Variants in SLC39A10 observed in about 807,000 individuals in gnomAD.
SLC39A10 encodes solute carrier family 39 member 10.
In SLC39A10, 13 loss-of-function variants were observed where a neutral mutation model predicts 65.1. That is an observed-to-expected ratio of 0.20 (90% CI 0.13 to 0.32). SLC39A10 has a LOEUF of 0.32. SLC39A10 is among the 10% of genes least tolerant of loss of function. SLC39A10 has a pLI of 1.00. For missense variants in SLC39A10, 831 were observed against 1,018.4 expected, an observed-to-expected ratio of 0.82 and a Z score of 2.50; for synonymous variants, 321 against 342.2, an observed-to-expected ratio of 0.94 and a Z score of 0.68.
chr2:195,622,591 G>C (rs1046623495), intron 2 of SLC39A10, among the ~76,000 whole-genome samples: 2 of 152,206 alleles, frequency 1.3e-5, no homozygotes, highest in African/African-American at 4.8e-5. Context: ...ATAAGTAAAG[G>C]TAATTTTTTA....
chr2:195,632,719 C>T (rs1688614366), intron 2 of SLC39A10, among the ~76,000 whole-genome samples: 2 of 152,142 alleles, frequency 1.3e-5, no homozygotes, highest in Non-Finnish European at 1.5e-5. Flanking sequence ...AAGTTGGTCT[C>T]TTCATCTGGT....
In SLC39A10 at chr2:195,735,149, C is replaced by A; in HGVS notation, c.*108C>A. The A allele has an allele frequency of 8.4e-7, 1 of 1,188,474 alleles. No homozygotes were observed. The highest frequency in any genetic ancestry group is 1.2e-6 in the Non-Finnish European group (1 of 865,692). The allele number at this position is 1,188,474 out of a possible 1,614,324, so 73.6% of individuals were successfully genotyped here. A position where few individuals can be genotyped will look rare whatever the true frequency, so the allele number is the denominator to read the frequency against. On this transcript the variant is annotated 3_prime_UTR_variant, in exon 10 of 10. Transcript: ENST00000359634. ...AAAGGAAAGTCAGTGGCTTGCACTA[C>A]TTACAAGTTTCATAGATTTGAGCCT...
At chr2:195,672,538 TACCTC>T (rs1270467972) in intron 1 of SLC39A10, among the ~76,000 whole-genome samples, 1 of 152,250 alleles carries the variant, frequency 6.6e-6, no homozygotes, top group Non-Finnish European at 1.5e-5. Flanking sequence ...GGTTTAGTAT[TACCTC>T]ATAACGTTGC....
chr2:195,646,810 G>A (rs74988105), intron 2 of SLC39A10, among the ~76,000 whole-genome samples: 2,342 of 152,260 alleles, frequency 0.015, 50 homozygotes, highest in African/African-American at 0.053. Context: ...GTGCCTGTGA[G>A]GGATCTAGGT....
At chr2:195,723,409 C>T (rs1407673584) in intron 8 of SLC39A10, among the ~76,000 whole-genome samples, 1 of 152,138 alleles carries the variant, frequency 6.6e-6, no homozygotes, top group African/African-American at 2.4e-5. Context: ...AGGAGGCCAT[C>T]TATAGGTAAT....
rs765647004 is a variant in SLC39A10 at position 195,683,853 on chromosome 2, T to C, written c.1163T>C (p.Ile388Thr). ...TTTGACAAACTTTTAGTTGAAGATA[T>C]AAATAAGGATAAAAACCTGGTTCCT... ...EHFDKLLVED[I>T]NKDKNLVPED... is the part of the protein sequence containing the mutation. The change falls in exon 3 of 10, where the codon ATA becomes ACA. Residue 388 changes from isoleucine to threonine, a missense_variant. Coordinates refer to ENST00000359634, the MANE Select transcript of SLC39A10 (RefSeq NM_020342.3). 4 of 1,613,208 alleles carry C rather than the reference T, an allele frequency of 2.5e-6. No homozygotes were observed. Among genetic ancestry groups the C allele is most frequent in the Admixed American group, 3.3e-5 (2 of 60,010 alleles).
rs374667233 is a variant in SLC39A10, at chr2:195,716,690, G to A, written c.1750G>A (p.Asp584Asn). Residue 584 changes from aspartate (D) to asparagine (N), a missense_variant, in exon 7 of 10, where the codon GAT becomes AAT. By Grantham distance (23) the Asp-to-Asn change is conservative. Coordinates refer to ENST00000359634, the MANE Select transcript of SLC39A10 (RefSeq NM_020342.3). ...TCGACTTAATGAAACTGAACTGACA[G>A]ATTTAGAAGGCCAACAAGAATCCCC... is the stretch of plus-strand genomic sequence containing the variant. ...EDRLNETELT[D>N]LEGQQESPPK... 1 of 1,613,620 alleles carries A rather than the reference G, an allele frequency of 6.2e-7. No individual in the cohort carries two copies. The highest frequency in any genetic ancestry group is 8.5e-7 in the Non-Finnish European group (1 of 1,179,788).
chr2:195,625,222 A>AAAGAAAGAAAGAAAGAAAGAAAGAAAG (rs1688443563), intron 2 of SLC39A10, among the ~76,000 whole-genome samples: 1 of 112,254 alleles, frequency 8.9e-6, no homozygotes, highest in Admixed American at 1.1e-4. Context: ...GTCTCAAAAA[A>AAAGAAAGAAAGAAAGAAAGAAAGAAAG]AAAGAAAGAA....
At chr2:195,703,929 C>A (rs1691295719) in intron 3 of SLC39A10, among the ~76,000 whole-genome samples, 1 of 152,206 alleles carries the variant, frequency 6.6e-6, no homozygotes, top group African/African-American at 2.4e-5. Context: ...GCTTGGATTA[C>A]AGGCATAAGC....
intron 2 of SLC39A10, among the ~76,000 whole-genome samples, chr2:195,645,872 A>G (rs183299548): frequency 1.6e-4 from 24 of 152,362 alleles, no homozygotes; most frequent in African/African-American, 5.8e-4. Flanking sequence ...CTGAAAATGA[A>G]GCTTAATGAT....
intron 2 of SLC39A10, among the ~76,000 whole-genome samples, chr2:195,636,622 G>A (rs1163389392): frequency 2.0e-5 from 3 of 152,176 alleles, no homozygotes; most frequent in East Asian, 1.9e-4. Flanking sequence ...GCGTGGTGGC[G>A]GGTGCCTGTA....
intron 8 of SLC39A10, among the ~76,000 whole-genome samples, chr2:195,726,434 T>C (rs1692242458): frequency 6.6e-6 from 1 of 152,042 alleles, no homozygotes; most frequent in Non-Finnish European, 1.5e-5. Flanking sequence ...GGGAGCTCTT[T>C]CCACAGAGAA....
chr2:195,617,825 T>C lies in SLC39A10; in HGVS notation c.-12+11592T>C, dbSNP rs530446191. Among the ~76,000 whole-genome samples, 32 of 151,424 alleles carry C rather than the reference T, an allele frequency of 2.1e-4. No homozygotes were observed. In the East Asian group the frequency reaches 4.5e-3, roughly 21 times the overall value. ...CACAATCTCGGCGGACTGCAAGCTC[T>C]GCCTCCTAGGGTCACGCCATTCTCC... On this transcript the variant is annotated intron_variant, in intron 2 of 2. Transcript: ENST00000458054.
intron 1 of SLC39A10, among the ~76,000 whole-genome samples, chr2:195,661,581 A>G (rs904770888): frequency 2.0e-5 from 3 of 152,170 alleles, no homozygotes; most frequent in Admixed American, 2.0e-4. Context: ...TTAGGAGACC[A>G]CATACAATGT....
intron 2 of SLC39A10, among the ~76,000 whole-genome samples, chr2:195,633,713 G>A (rs1044878090): frequency 3.6e-5 from 5 of 137,540 alleles, no homozygotes; most frequent in African/African-American, 1.1e-4. Flanking sequence ...CTGAAGTCCG[G>A]CCATCTTTGC....
At chr2:195,655,382 T>C (rs537497672), upstream of SLC39A10, among the ~76,000 whole-genome samples, 1 of 152,322 alleles carries the variant, frequency 6.6e-6, no homozygotes, top group Admixed American at 6.5e-5. Context: ...TGCCCTAAAA[T>C]GTAAGGACTG....
rs1692609034 is a variant in SLC39A10 at position 195,736,472 on chromosome 2, A to AATC, written c.*1432_*1434dup. On this transcript the variant is annotated 3_prime_UTR_variant, in exon 10 of 10. Transcript: ENST00000359634. The stretch of plus-strand genomic sequence containing the variant: ...TGGCAACCAGTGTAGCTGCTGTAAC[A>AATC]ATCTATCTTATTGTTCAAATATATA... 6.1e-6 allele frequency: 1 copy of AATC among 163,776 alleles called. No homozygotes were observed. Among genetic ancestry groups the AATC allele is most frequent in the Non-Finnish European group, 1.5e-5 (1 of 68,088 alleles). 10.1% of individuals were successfully genotyped at this position (163,776 alleles called of 1,614,324 possible). A position where few individuals can be genotyped will look rare whatever the true frequency, so the allele number is the denominator to read the frequency against.
intron 2 of SLC39A10, among the ~76,000 whole-genome samples, chr2:195,618,273 C>T (rs1205300398): frequency 6.7e-6 from 1 of 150,054 alleles, no homozygotes; most frequent in East Asian, 2.0e-4. Context: ...ATCACTTGAG[C>T]CTGGGAGGGA....
intron 3 of SLC39A10, among the ~76,000 whole-genome samples, chr2:195,705,070 A>G (rs958646196): frequency 1.3e-5 from 2 of 152,146 alleles, no homozygotes; most frequent in Non-Finnish European, 2.9e-5. Flanking sequence ...AGTGCTGTTT[A>G]CAAGCGTGAG....
Sources: gnomAD v4.1 joint callset for allele counts (sites outside exome capture counted in the v4.1 genomes callset) on GRCh38, gnomAD v4.1.1 for gene constraint, MANE v1.5 for transcripts, NCBI Gene and HGNC (gene_info 2026-07-23, HGNC 2026-07-21) for gene names.